Variants in KDM4C observed in about 807,000 individuals in gnomAD.
KDM4C encodes the protein lysine demethylase 4C.
Under a neutral mutation model 129.3 loss-of-function variants are expected in KDM4C, and 81 were observed. The observed-to-expected ratio is 0.63, with a 90% CI of 0.52 to 0.75. The LOEUF (loss-of-function observed/expected upper bound fraction) is 0.75. Ranked by LOEUF, KDM4C falls within the 30% of genes least tolerant of loss-of-function variation. The probability of loss-of-function intolerance (pLI) is 0.00; values close to 1 mark genes in which losing one functional copy is unlikely to be tolerated. For synonymous variants in KDM4C, 573 were observed against 456.1 expected, an observed-to-expected ratio of 1.26 and a Z score of -3.26; for missense variants, 1,457 against 1,304.0, an observed-to-expected ratio of 1.12 and a Z score of -1.81.
At chr9:6,749,807 T>A (rs1818009725) in intron 1 of KDM4C, among the ~76,000 whole-genome samples, 1 of 150,726 alleles carries the variant, frequency 6.6e-6, no homozygotes, top group South Asian at 2.1e-4. Flanking sequence ...ACCAACATGG[T>A]GAAACCCTGT....
intron 19 of KDM4C, among the ~76,000 whole-genome samples, chr9:7,140,263 C>T (rs1482697517): frequency 2.0e-5 from 3 of 152,206 alleles, no homozygotes; most frequent in Non-Finnish European, 4.4e-5. Flanking sequence ...CTCTTCCGCC[C>T]TGCTCATACC....
intron 19 of KDM4C, among the ~76,000 whole-genome samples, chr9:7,153,481 C>G (rs1033117454): frequency 6.6e-6 from 1 of 152,192 alleles, no homozygotes; most frequent in African/African-American, 2.4e-5. Flanking sequence ...ACTTGGGAGA[C>G]TGCTGCCGGT....
intron 18 of KDM4C, among the ~76,000 whole-genome samples, chr9:7,115,613 A>C (rs10815520): frequency 0.49 from 73,991 of 152,052 alleles, 18,624 homozygotes; most frequent in East Asian, 0.74. Context: ...AAATGTAATG[A>C]AAGTATATTT....
intron 12 of KDM4C, among the ~76,000 whole-genome samples, chr9:7,010,231 T>C (rs1383498117): frequency 2.0e-5 from 3 of 152,206 alleles, no homozygotes; most frequent in South Asian, 4.1e-4. Context: ...ATTGCAAATA[T>C]AGGCAAAGAC....
At chr9:7,118,950 C>T (rs755983669) in intron 18 of KDM4C, among the ~76,000 whole-genome samples, 2 of 152,008 alleles carry the variant, frequency 1.3e-5, no homozygotes, top group South Asian at 2.1e-4. Context: ...AAGAATCTTC[C>T]CTCATTCTAC....
chr9:6,770,668 A>G (rs1201462518), intron 1 of KDM4C, among the ~76,000 whole-genome samples: 9 of 151,602 alleles, frequency 5.9e-5, no homozygotes, highest in Non-Finnish European at 1.3e-4. Flanking sequence ...TAATGAAAAA[A>G]GCAAGGATGG....
chr9:6,945,325 C>G (rs1396659578), intron 8 of KDM4C, among the ~76,000 whole-genome samples: 1 of 152,092 alleles, frequency 6.6e-6, no homozygotes, highest in Non-Finnish European at 1.5e-5. Flanking sequence ...ATTAACTAAA[C>G]CAATTTTACC....
intron 7 of KDM4C, among the ~76,000 whole-genome samples, chr9:6,891,091 G>A (rs551218966): frequency 6.6e-6 from 1 of 152,228 alleles, no homozygotes; most frequent in African/African-American, 2.4e-5. Flanking sequence ...AAGCTAATCA[G>A]TGGTGAAAGG....
At chr9:6,804,967 C>T (rs912926581) in intron 2 of KDM4C, among the ~76,000 whole-genome samples, 5 of 151,886 alleles carry the variant, frequency 3.3e-5, no homozygotes, top group African/African-American at 9.7e-5. Flanking sequence ...GTGGCGCGAT[C>T]TCAGCTCACT....
intron 19 of KDM4C, among the ~76,000 whole-genome samples, chr9:7,155,681 A>G (rs531452424): frequency 2.2e-4 from 33 of 152,232 alleles, no homozygotes; most frequent in Non-Finnish European, 4.3e-4. Flanking sequence ...TTCAAAGGAC[A>G]TGAACTCATC....
intron 8 of KDM4C, among the ~76,000 whole-genome samples, chr9:6,900,164 C>G (rs775795412): frequency 6.6e-6 from 1 of 152,114 alleles, no homozygotes; most frequent in Non-Finnish European, 1.5e-5. Flanking sequence ...ATACTGGCCC[C>G]CTTTTTACAA....
intron 8 of KDM4C, among the ~76,000 whole-genome samples, chr9:6,901,904 C>G (rs779969210): frequency 5.3e-5 from 8 of 152,122 alleles, no homozygotes; most frequent in African/African-American, 7.2e-5. Flanking sequence ...ATGTTCTCAG[C>G]TCTGTGGAAC....
chr9:6,893,372 G>A lies in KDM4C; in HGVS notation c.921+140G>A, dbSNP rs1167669102. On this transcript the variant is annotated intron_variant, in intron 8 of 21. Transcript: ENST00000381309. ...CTCTCACCACAGCAATTCACTTCAG[G>A]CTCGATACATTTATTTTACATAGCC... 7.5e-5 allele frequency: 40 copies of A among 531,886 alleles called. 1 individual carries two copies. Among genetic ancestry groups the A allele is most frequent in the South Asian group, 4.4e-5 (1 of 22,622 alleles). The allele number at this position is 531,886 out of a possible 1,614,324, so 32.9% of individuals were successfully genotyped here. A position where few individuals can be genotyped will look rare whatever the true frequency, so the allele number is the denominator to read the frequency against.
intron 18 of KDM4C, 191 bp from the exon 19 acceptor site, chr9:7,127,875 T>G: frequency 2.0e-6 from 1 of 507,000 alleles, no homozygotes; most frequent in South Asian, 3.0e-5. Flanking sequence ...AAACAAGTAG[T>G]GTTTATACTA....
At chr9:7,142,015 AAATATAT>A (rs1841794730) in intron 19 of KDM4C, among the ~76,000 whole-genome samples, 1 of 152,338 alleles carries the variant, frequency 6.6e-6, no homozygotes, top group Non-Finnish European at 1.5e-5. Context: ...TTCAGTATGA[AAATATAT>A]TTACCCTTTA....
At chr9:6,775,786 T>C (rs1254041314) in intron 1 of KDM4C, among the ~76,000 whole-genome samples, 1 of 152,114 alleles carries the variant, frequency 6.6e-6, no homozygotes, top group Non-Finnish European at 1.5e-5. Context: ...CCTCCCAAAG[T>C]GTTGGGATTA....
intron 5 of KDM4C, among the ~76,000 whole-genome samples, chr9:6,864,538 T>G (rs1391471684): frequency 6.6e-6 from 1 of 151,852 alleles, no homozygotes; most frequent in Non-Finnish European, 1.5e-5. Context: ...TGGTGTGATC[T>G]CGGCTCACAG....
intron 2 of KDM4C, among the ~76,000 whole-genome samples, chr9:6,795,396 A>C (rs1224224399): frequency 6.6e-6 from 1 of 152,190 alleles, no homozygotes; most frequent in African/African-American, 2.4e-5. Context: ...CAGAGGCACG[A>C]TCTCAGCTCA....
At chr9:6,985,113 C>G (rs141063528) in intron 10 of KDM4C, among the ~76,000 whole-genome samples, 20 of 152,310 alleles carry the variant, frequency 1.3e-4, no homozygotes, top group African/African-American at 4.6e-4. Flanking sequence ...ACTCATGGCA[C>G]CATAGCTGTT....
Sources: gnomAD v4.1 joint callset for allele counts (sites outside exome capture counted in the v4.1 genomes callset) on GRCh38, gnomAD v4.1.1 for gene constraint, MANE v1.5 for transcripts, NCBI Gene and HGNC (gene_info 2026-07-23, HGNC 2026-07-21) for gene names.